Variants in TLE1 observed in about 807,000 individuals in gnomAD.
TLE1 encodes the protein TLE family member 1, transcriptional corepressor.
Under a neutral mutation model 89.8 loss-of-function variants are expected in TLE1, and 21 were observed. The ratio of observed to expected loss-of-function variants is 0.23; its 90% CI spans 0.17 to 0.34. The LOEUF (loss-of-function observed/expected upper bound fraction) is 0.34. TLE1 is among the 10% of genes least tolerant of loss of function. The pLI is 1.00. For missense variants in TLE1, 795 were observed against 1,031.2 expected (o/e 0.77, Z 3.14); for synonymous variants, 447 against 407.6 (o/e 1.10, Z -1.16).
chr9:81,620,846 T>C (rs1474766679), intron 8 of TLE1: 2 of 909,928 alleles, frequency 2.2e-6, no homozygotes, highest in Admixed American at 5.0e-5. Context: ...GAGCTTGCTG[T>C]GTTGTATGTG....
chr9:81,671,516 G>A (rs563885848), intron 4 of TLE1, among the ~76,000 whole-genome samples: 2 of 152,020 alleles, frequency 1.3e-5, no homozygotes, highest in Non-Finnish European at 2.9e-5. Flanking sequence ...GTGGTGGCAT[G>A]TGCCTGTAAT....
intron 14 of TLE1, among the ~76,000 whole-genome samples, chr9:81,600,538 T>A (rs1830774849): frequency 6.7e-6 from 1 of 149,634 alleles, no homozygotes; most frequent in Non-Finnish European, 1.5e-5. Context: ...TATTCCTATA[T>A]CAGAAGGTAG....
rs140937584 is a variant in TLE1 at position 81,599,211 on chromosome 9, G to A, written c.1332-5937C>T. 4.2e-3 allele frequency among the ~76,000 whole-genome samples: 634 copies of A among 152,296 alleles called. 18 individuals are homozygous for A. Among genetic ancestry groups the A allele is most frequent in the Admixed American group, 0.034 (523 of 15,296 alleles). The stretch of plus-strand genomic sequence containing the variant: ...ACTATCCCTTACTGTTTAGAGATGA[G>A]GGAAGGTGGCACAGGATAGGCTAAG... On this transcript the variant is annotated intron_variant, in intron 14 of 19. Coordinates refer to ENST00000376499, the MANE Select transcript of TLE1 (RefSeq NM_005077.5).
At chr9:81,672,224 C>A (rs1034592661) in intron 4 of TLE1, among the ~76,000 whole-genome samples, 16 of 152,160 alleles carry the variant, frequency 1.1e-4, no homozygotes, top group Admixed American at 6.6e-4. Context: ...CAAAGACACA[C>A]AAGAAGTTTC....
chr9:81,587,929 T>TGTGTGTGTGTGTGTGTGTGG, intron 16 of TLE1, 101 bp from the exon 17 acceptor site: 1 of 507,310 alleles, frequency 2.0e-6, no homozygotes, highest in Non-Finnish European at 2.7e-6. Context: ...TGTGTGTGTG[T>TGTGTGTGTGTGTGTGTGTGG]GTGTGTGTGT....
Position 81,584,291 on chromosome 9 carries a change from C to T in TLE1, c.2220G>A (p.Ser740=), listed in dbSNP as rs113310260. 1.5e-5 allele frequency: 24 copies of T among 1,614,090 alleles called. No individual in the cohort carries two copies. The highest frequency in any genetic ancestry group is 3.3e-5 in the South Asian group (3 of 91,072). ...CAGAGATGTCACAGCTAAGCACTGA[C>T]GAGGACTCTTTGGACTGGAAGAGAA... ...GASIFQSKES[S]SVLSCDISVD... is the part of the protein sequence containing the mutation. Residue 740 remains serine, a synonymous_variant, in exon 20 of 20, where the codon TCG becomes TCA. Coordinates refer to ENST00000376499, the MANE Select transcript of TLE1 (RefSeq NM_005077.5).
At chr9:81,670,897 C>A (rs1184341942) in intron 4 of TLE1, among the ~76,000 whole-genome samples, 1 of 151,768 alleles carries the variant, frequency 6.6e-6, no homozygotes, top group Non-Finnish European at 1.5e-5. Context: ...GGCTGGGTGC[C>A]GTGGCTCATG....
At chr9:81,631,940 T>C (rs1298352112) in intron 8 of TLE1, among the ~76,000 whole-genome samples, 1 of 152,064 alleles carries the variant, frequency 6.6e-6, no homozygotes, top group Non-Finnish European at 1.5e-5. Context: ...CCGTCTGTAC[T>C]AAAAATACAA....
chr9:81,681,564 GA>G (rs1203793074), intron 4 of TLE1, among the ~76,000 whole-genome samples: 2 of 140,552 alleles, frequency 1.4e-5, no homozygotes, highest in South Asian at 4.3e-4. Flanking sequence ...AAAAAAAAAA[GA>G]AAAAAAATTC....
intron 16 of TLE1, among the ~76,000 whole-genome samples, chr9:81,588,691 G>A (rs1234753307): frequency 6.6e-6 from 1 of 152,162 alleles, no homozygotes; most frequent in Non-Finnish European, 1.5e-5. Flanking sequence ...CCCCAGCAGG[G>A]ACGGTGACTG....
At chr9:81,675,163 G>A (rs1334750406) in intron 4 of TLE1, among the ~76,000 whole-genome samples, 2 of 152,124 alleles carry the variant, frequency 1.3e-5, no homozygotes, top group African/African-American at 4.8e-5. Flanking sequence ...AGGAGCCTAT[G>A]GAAGATATAT....
At chr9:81,634,413 G>T in intron 6 of TLE1, 112 bp from the exon 7 acceptor site, 1 of 862,318 alleles carries the variant, frequency 1.2e-6, no homozygotes, top group East Asian at 2.8e-5. Flanking sequence ...GGAGGGGAAG[G>T]CGGAAACAGA....
chr9:81,675,493 C>T (rs1218149002), intron 4 of TLE1, among the ~76,000 whole-genome samples: 1 of 151,336 alleles, frequency 6.6e-6, no homozygotes, highest in African/African-American at 2.5e-5. Flanking sequence ...CAAACCTAGG[C>T]CCCAGCAACA....
intron 16 of TLE1, among the ~76,000 whole-genome samples, chr9:81,588,800 G>A (rs1443961159): frequency 6.6e-6 from 1 of 152,130 alleles, no homozygotes; most frequent in Non-Finnish European, 1.5e-5. Context: ...GCGGGATCCA[G>A]TAAAGAACTG....
intron 1 of TLE1, 26 bp downstream of exon 1, chr9:81,688,191 C>G: frequency 1.9e-6 from 3 of 1,599,606 alleles, no homozygotes; most frequent in Non-Finnish European, 2.6e-6. Flanking sequence ...ATCCTGGCCC[C>G]CCACCACCAC....
At chr9:81,645,498 TGA>T (rs1484097265) in intron 6 of TLE1, among the ~76,000 whole-genome samples, 2 of 152,102 alleles carry the variant, frequency 1.3e-5, no homozygotes, top group African/African-American at 4.8e-5. Context: ...CCCAGCACTT[TGA>T]GAGGCCGAGA....
At chr9:81,673,312 CT>C (rs1306087468) in intron 4 of TLE1, among the ~76,000 whole-genome samples, 277 of 138,904 alleles carry the variant, frequency 2.0e-3, no homozygotes, top group South Asian at 6.3e-3. Context: ...CCAACAAGTC[CT>C]TTTTTTTTTT....
intron 4 of TLE1, among the ~76,000 whole-genome samples, chr9:81,684,096 T>C (rs930040381): frequency 1.3e-5 from 2 of 151,788 alleles, no homozygotes; most frequent in South Asian, 4.2e-4. Flanking sequence ...CAGTCTCCTC[T>C]TACTCTTCCA....
chr9:81,622,660 T>C (rs1404746467), intron 8 of TLE1, among the ~76,000 whole-genome samples: 2 of 152,218 alleles, frequency 1.3e-5, no homozygotes, highest in Non-Finnish European at 2.9e-5. Flanking sequence ...ATAATCTGAA[T>C]AGGTTTTGAA....
Sources: allele counts gnomAD v4.1 joint callset (sites outside exome capture counted in the v4.1 genomes callset), GRCh38; gene constraint gnomAD v4.1.1; transcripts MANE v1.5; gene names NCBI Gene and HGNC (gene_info 2026-07-23, HGNC 2026-07-21).